NRXN3: variants seen among roughly 807,000 people sequenced by gnomAD.
NRXN3 encodes the protein neurexin III.
In NRXN3, 32 loss-of-function variants were observed where a neutral mutation model predicts 137.6. The observed-to-expected ratio is 0.23, with a 90% CI of 0.18 to 0.31. The LOEUF (loss-of-function observed/expected upper bound fraction) is 0.31. NRXN3 is among the 10% of genes least tolerant of loss of function. NRXN3 has a pLI of 1.00. For synonymous variants in NRXN3, 798 were observed against 784.5 expected (o/e 1.02, Z -0.29); for missense variants, 1,574 against 2,062.5 (o/e 0.76, Z 4.59).
intron 15 of NRXN3, among the ~76,000 whole-genome samples, chr14:79,376,294 C>T (rs1409134644): frequency 1.6e-5 from 2 of 126,408 alleles, no homozygotes; most frequent in African/African-American, 6.0e-5. Flanking sequence ...AAAAACAATT[C>T]CTCTACAAAT....
At chr14:78,918,487 C>T (rs1461032036) in intron 10 of NRXN3, among the ~76,000 whole-genome samples, 2 of 151,966 alleles carry the variant, frequency 1.3e-5, no homozygotes, top group East Asian at 1.9e-4. Flanking sequence ...AAGTAATAAA[C>T]GCTGAGATAT....
chr14:78,816,010 T>C (rs562369471), intron 10 of NRXN3, among the ~76,000 whole-genome samples: 119 of 152,208 alleles, frequency 7.8e-4, no homozygotes, highest in Non-Finnish European at 1.4e-3. Flanking sequence ...CTTCAGAGTT[T>C]CTATCTTCAT....
intron 10 of NRXN3, among the ~76,000 whole-genome samples, chr14:78,832,163 G>A (rs189249974): frequency 3.2e-3 from 493 of 152,084 alleles, no homozygotes; most frequent in Non-Finnish European, 5.5e-3. Flanking sequence ...AAATTCAAGA[G>A]CTTTGTCTCT....
chr14:78,648,990 T>G (rs1453460058), intron 5 of NRXN3, among the ~76,000 whole-genome samples: 3 of 152,166 alleles, frequency 2.0e-5, no homozygotes, highest in Admixed American at 6.5e-5. Context: ...AGCAGGGAGC[T>G]GCAATGGCAT....
chr14:79,078,522 G>T (rs918621158), intron 15 of NRXN3, among the ~76,000 whole-genome samples: 3 of 152,112 alleles, frequency 2.0e-5, no homozygotes, highest in African/African-American at 7.2e-5. Flanking sequence ...CATGCATGAG[G>T]ACACTAAGTA....
intron 15 of NRXN3, among the ~76,000 whole-genome samples, chr14:79,142,168 C>T (rs2058849202): frequency 6.6e-6 from 1 of 152,168 alleles, no homozygotes; most frequent in African/African-American, 2.4e-5. Flanking sequence ...GTGGCTCACG[C>T]TTGTAATTCC....
chr14:79,783,817 T>C (rs1032631057), intron 19 of NRXN3, among the ~76,000 whole-genome samples: 10 of 152,202 alleles, frequency 6.6e-5, no homozygotes, highest in African/African-American at 2.4e-4. Context: ...CAGTGAATCC[T>C]AATTCCTCTT....
chr14:79,822,812 C>T (rs2099276639), intron 20 of NRXN3, among the ~76,000 whole-genome samples: 1 of 148,910 alleles, frequency 6.7e-6, no homozygotes, highest in African/African-American at 2.5e-5. Flanking sequence ...GATTTCCAAA[C>T]AAACAAACAA....
chr14:78,682,017 G>A (rs1477326453), intron 6 of NRXN3, among the ~76,000 whole-genome samples: 3 of 151,994 alleles, frequency 2.0e-5, no homozygotes, highest in African/African-American at 4.8e-5. Context: ...ACAGGCGAGC[G>A]CCACCATGCC....
intron 16 of NRXN3, among the ~76,000 whole-genome samples, chr14:79,550,907 A>C (rs751696882): frequency 6.6e-6 from 1 of 152,234 alleles, no homozygotes; most frequent in Non-Finnish European, 1.5e-5. Flanking sequence ...ACATGGTATG[A>C]AATGAGCACA....
intron 1 of NRXN3, among the ~76,000 whole-genome samples, chr14:78,235,023 T>TATATATATATATAA (rs61371349): frequency 1.5e-4 from 15 of 98,700 alleles, no homozygotes; most frequent in African/African-American, 6.6e-4. Context: ...TATATATATA[T>TATATATATATATAA]GTGTATATAT....
At chr14:78,802,870 A>G (rs1377647069) in intron 8 of NRXN3, among the ~76,000 whole-genome samples, 2 of 152,136 alleles carry the variant, frequency 1.3e-5, no homozygotes, top group Non-Finnish European at 2.9e-5. Context: ...TGCTTGAACC[A>G]GGGAGGCAGA....
chr14:79,383,790 C>A (rs1266246029), intron 15 of NRXN3, among the ~76,000 whole-genome samples: 3 of 152,104 alleles, frequency 2.0e-5, no homozygotes, highest in Non-Finnish European at 2.9e-5. Flanking sequence ...CAATTGTAAC[C>A]CATCTAGATA....
At chr14:78,614,849 A>G in intron 4 of NRXN3, 1 of 415,046 alleles carries the variant, frequency 2.4e-6, no homozygotes, top group Non-Finnish European at 4.9e-6. Context: ...TTATGATGCA[A>G]TTTAGGGCAC....
intron 19 of NRXN3, among the ~76,000 whole-genome samples, chr14:79,779,149 T>G (rs1276874709): frequency 6.6e-6 from 1 of 152,228 alleles, no homozygotes; most frequent in Admixed American, 6.5e-5. Context: ...GTTTTGCTTT[T>G]GTTGCCCAGG....
At chr14:78,172,359 C>T (rs1416000202) in intron 1 of NRXN3, among the ~76,000 whole-genome samples, 1 of 152,080 alleles carries the variant, frequency 6.6e-6, no homozygotes, top group East Asian at 1.9e-4. Flanking sequence ...TTCTGCATCG[C>T]CTTTCAAGTT....
At chr14:78,279,887 G>C (rs2074158814) in intron 3 of NRXN3, among the ~76,000 whole-genome samples, 1 of 152,038 alleles carries the variant, frequency 6.6e-6, no homozygotes, top group African/African-American at 2.4e-5. Context: ...CTTAAGTAGG[G>C]TTCTTCTGAT....
chr14:78,961,704 C>A (rs1018401824), intron 11 of NRXN3, among the ~76,000 whole-genome samples: 1 of 152,158 alleles, frequency 6.6e-6, no homozygotes, highest in African/African-American at 2.4e-5. Context: ...CCCAAGGTAA[C>A]CCAGTGAAGA....
At chr14:79,134,493 C>T (rs763782272) in intron 15 of NRXN3, among the ~76,000 whole-genome samples, 8 of 152,144 alleles carry the variant, frequency 5.3e-5, no homozygotes, top group Non-Finnish European at 8.8e-5. Context: ...TGAGGCTAAC[C>T]GAGGACTTTC....
Sources: allele counts gnomAD v4.1 joint callset (sites outside exome capture counted in the v4.1 genomes callset), GRCh38; gene constraint gnomAD v4.1.1; transcripts MANE v1.5; gene names NCBI Gene and HGNC (gene_info 2026-07-23, HGNC 2026-07-21).